Variants in MTMR9 observed in about 807,000 individuals in gnomAD.
MTMR9 encodes the protein myotubularin-related protein 9.
MTMR9 carries 39 observed loss-of-function variants against 69.5 expected under a neutral mutation model. That is an observed-to-expected ratio of 0.56 (90% CI 0.43 to 0.73). The LOEUF (loss-of-function observed/expected upper bound fraction) is 0.73, where lower values mean the gene tolerates loss of function less well. Among genes scored for constraint, MTMR9 ranks in the 30% least tolerant of loss-of-function variants. The pLI is 0.00. For synonymous variants in MTMR9, 354 were observed against 240.8 expected (o/e 1.47, Z -4.35); for missense variants, 900 against 671.2 (o/e 1.34, Z -3.77).
intron 8 of MTMR9, 163 bp downstream of exon 8, chr8:11,317,056 T>G (rs1340416242): frequency 2.1e-6 from 1 of 481,100 alleles, no homozygotes; most frequent in Non-Finnish European, 3.6e-6. Flanking sequence ...TGAAGTATAT[T>G]CTTTTATGAG....
the MTMR9 span, among the ~76,000 whole-genome samples, chr8:11,333,596 C>T: frequency 6.6e-6 from 1 of 152,104 alleles, no homozygotes; most frequent in Non-Finnish European, 1.5e-5. Flanking sequence ...AATTCTAGGG[C>T]AAATATAAAA....
chr8:11,318,491 T>C (rs1042698330), intron 8 of MTMR9: 1 of 152,372 alleles, frequency 6.6e-6, no homozygotes, highest in Non-Finnish European at 1.5e-5. Context: ...AATAATCATG[T>C]GGTTTCAGAG....
intron 6 of MTMR9, among the ~76,000 whole-genome samples, chr8:11,310,130 A>G (rs1401764761): frequency 6.6e-6 from 1 of 152,248 alleles, no homozygotes; most frequent in Non-Finnish European, 1.5e-5. Flanking sequence ...CCTCCGGGAT[A>G]TCTTATTTCA....
the MTMR9 span, among the ~76,000 whole-genome samples, chr8:11,335,471 T>C: frequency 2.0e-5 from 3 of 152,192 alleles, no homozygotes; most frequent in Non-Finnish European, 4.4e-5. Flanking sequence ...AGAATCAATA[T>C]TGTCAAGATA....
chr8:11,288,242 A>T (rs955394138), intron 1 of MTMR9, among the ~76,000 whole-genome samples: 3 of 137,650 alleles, frequency 2.2e-5, no homozygotes, highest in African/African-American at 8.2e-5. Context: ...TATAATAATA[A>T]TAATTATATT....
intron 1 of MTMR9, among the ~76,000 whole-genome samples, chr8:11,287,250 A>G (rs1157359442): frequency 2.0e-5 from 3 of 152,226 alleles, no homozygotes; most frequent in Non-Finnish European, 4.4e-5. Flanking sequence ...GTTGAATACA[A>G]CTGAGTAGTT....
intron 6 of MTMR9, among the ~76,000 whole-genome samples, chr8:11,313,762 C>T (rs965690906): frequency 1.3e-5 from 2 of 152,054 alleles, no homozygotes; most frequent in Non-Finnish European, 2.9e-5. Flanking sequence ...TTCCTGATGC[C>T]CCCAAAACTT....
downstream of MTMR9, among the ~76,000 whole-genome samples, chr8:11,328,904 T>C (rs1012024550): frequency 6.6e-6 from 1 of 152,246 alleles, no homozygotes; most frequent in East Asian, 1.9e-4. Context: ...TTAGGAGTTT[T>C]ATAGTTTAAA....
In MTMR9 at chr8:11,322,838, G is replaced by C; in HGVS notation, c.*50G>C. 1 of 1,550,376 alleles carries C rather than the reference G, an allele frequency of 6.5e-7. No individual in the cohort carries two copies. The highest frequency in any genetic ancestry group is 8.8e-7 in the Non-Finnish European group (1 of 1,141,608). ...GGACCTTCTTGGGCCTGTGTCCGCC[G>C]TTCTCTCCTTGTGCCCTTCAGTTCA... is the stretch of plus-strand genomic sequence containing the variant. On this transcript the variant is annotated 3_prime_UTR_variant, in exon 10 of 10. Coordinates refer to ENST00000221086, the MANE Select transcript of MTMR9 (RefSeq NM_015458.4).
At chr8:11,288,167 T>A (rs7012218) in intron 1 of MTMR9, among the ~76,000 whole-genome samples, 84,080 of 131,522 alleles carry the variant, frequency 0.64, 27,489 homozygotes, top group East Asian at 0.89. Context: ...AGGTGAATAA[T>A]TATTTATTCA....
In MTMR9 at chr8:11,295,281, G is replaced by A. The variant is rs1196103459; in HGVS notation, c.270G>A (p.Leu90=). The change falls in exon 2 of 10, where the codon TTG becomes TTA. Residue 90 remains leucine (L), a synonymous_variant. Transcript: ENST00000221086. ...QLDIPGMEEC[L]NIASSIEALS... is the part of the protein sequence containing the mutation. Reference sequence around the variant, plus strand: ...ATATTCCTGGAATGGAGGAATGCTTGAATATAGCCAGTTCCATTGAGGTAA... The same window carrying A: ...ATATTCCTGGAATGGAGGAATGCTTAAATATAGCCAGTTCCATTGAGGTAA... 6 of 1,600,278 alleles carry A rather than the reference G, an allele frequency of 3.7e-6. No individual in the cohort carries two copies. The South Asian group carries it at 6.6e-5, about 18-fold the overall frequency.
At chr8:11,290,087 G>C (rs1799326964) in intron 1 of MTMR9, among the ~76,000 whole-genome samples, 1 of 152,194 alleles carries the variant, frequency 6.6e-6, no homozygotes. Context: ...TGGTGCAGGA[G>C]AGGGTACCTC....
chr8:11,286,403 G>A (rs549982113), intron 1 of MTMR9, among the ~76,000 whole-genome samples: 2 of 151,590 alleles, frequency 1.3e-5, no homozygotes, highest in East Asian at 4.0e-4. Flanking sequence ...GGTGGCTCAC[G>A]CCTGTAATCC....
At chr8:11,289,530 A>T (rs538800974) in intron 1 of MTMR9, among the ~76,000 whole-genome samples, 1 of 152,062 alleles carries the variant, frequency 6.6e-6, no homozygotes, top group East Asian at 1.9e-4. Context: ...ACTACTACTC[A>T]GTTGATGACT....
intron 6 of MTMR9, among the ~76,000 whole-genome samples, chr8:11,314,210 C>T (rs930916344): frequency 1.3e-5 from 2 of 152,116 alleles, no homozygotes; most frequent in Non-Finnish European, 2.9e-5. Flanking sequence ...TCCAAAGTTT[C>T]CTTCATTGTT....
the MTMR9 span, among the ~76,000 whole-genome samples, chr8:11,335,008 A>T: frequency 1.3e-5 from 2 of 152,372 alleles, no homozygotes; most frequent in Non-Finnish European, 2.9e-5. Flanking sequence ...TTGCCTGCTG[A>T]TATCAGGAAC....
At chr8:11,286,157 T>C (rs1445874798) in intron 1 of MTMR9, among the ~76,000 whole-genome samples, 1 of 151,734 alleles carries the variant, frequency 6.6e-6, no homozygotes, top group African/African-American at 2.4e-5. Context: ...TTTCACCATA[T>C]TGACCAGGCT....
chr8:11,331,919 C>T (rs377528212), downstream of MTMR9: 10 of 1,611,996 alleles, frequency 6.2e-6, no homozygotes, highest in Admixed American at 1.0e-4. Flanking sequence ...CATGTGTGGG[C>T]TATGCGGTCA....
chr8:11,303,077 C>A (rs1171157593), intron 3 of MTMR9, among the ~76,000 whole-genome samples: 1 of 150,458 alleles, frequency 6.6e-6, no homozygotes, highest in Non-Finnish European at 1.5e-5. Context: ...AATAAAAACC[C>A]CAGTTGGTTT....
Sources: gnomAD v4.1 joint callset for allele counts (sites outside exome capture counted in the v4.1 genomes callset) on GRCh38, gnomAD v4.1.1 for gene constraint, MANE v1.5 for transcripts, NCBI Gene and HGNC (gene_info 2026-07-23, HGNC 2026-07-21) for gene names.